The following RABGAP1L variants were observed in gnomAD, a reference collection of about 807,000 sequenced individuals.
The protein encoded by RABGAP1L is rab GTPase-activating protein 1-like.
In RABGAP1L, 63 loss-of-function variants were observed where a neutral mutation model predicts 137.7. The ratio of observed to expected loss-of-function variants is 0.46; its 90% CI spans 0.37 to 0.56. The LOEUF (loss-of-function observed/expected upper bound fraction) is 0.56. RABGAP1L is among the 20% of genes least tolerant of loss of function. RABGAP1L has a pLI of 0.00. For missense variants in RABGAP1L, 1,095 were observed against 1,244.0 expected, an observed-to-expected ratio of 0.88 and a Z score of 1.80; for synonymous variants, 431 against 433.7, an observed-to-expected ratio of 0.99 and a Z score of 0.08.
At chr1:174,909,263 A>T (rs1659662240) in intron 19 of RABGAP1L, among the ~76,000 whole-genome samples, 1 of 151,684 alleles carries the variant, frequency 6.6e-6, no homozygotes, top group South Asian at 2.1e-4. Context: ...TTACTCTGTC[A>T]CCCAGGCTTG....
intron 11 of RABGAP1L, among the ~76,000 whole-genome samples, chr1:174,341,895 T>A: frequency 6.6e-6 from 1 of 152,166 alleles, no homozygotes; most frequent in East Asian, 1.9e-4. Context: ...TTAATTTAAG[T>A]ATCTTTCTTG....
intron 12 of RABGAP1L, among the ~76,000 whole-genome samples, chr1:174,389,956 T>A (rs895740453): frequency 6.6e-6 from 1 of 152,176 alleles, no homozygotes; most frequent in African/African-American, 2.4e-5. Context: ...ATTTTCAAGT[T>A]CCTGATAACT....
intron 13 of RABGAP1L, among the ~76,000 whole-genome samples, chr1:174,437,380 T>C (rs1653512332): frequency 6.6e-6 from 1 of 152,146 alleles, no homozygotes; most frequent in Non-Finnish European, 1.5e-5. Flanking sequence ...TTAAAGGACC[T>C]GATGGAGCTG....
At chr1:174,891,948 G>A (rs1270140595) in intron 19 of RABGAP1L, among the ~76,000 whole-genome samples, 1 of 136,876 alleles carries the variant, frequency 7.3e-6, no homozygotes, top group Non-Finnish European at 1.5e-5. Context: ...CTACTCTGAG[G>A]TAATCTCCCT....
chr1:174,412,094 T>G (rs1650002318), intron 13 of RABGAP1L, among the ~76,000 whole-genome samples: 1 of 152,140 alleles, frequency 6.6e-6, no homozygotes, highest in Non-Finnish European at 1.5e-5. Flanking sequence ...AGTTCCCCAC[T>G]ATTACTGTGT....
chr1:174,252,469 G>A lies in RABGAP1L; in HGVS notation c.876-11G>A, dbSNP rs549959020. On this transcript the variant is annotated splice_polypyrimidine_tract_variant and intron_variant, in intron 6 of 25. Transcript: ENST00000681986. Reference sequence around the variant, plus strand: ...ATTATTGGTAATTCCTATTCCTTTTGAATATTTCAGCCCTGTGCCTAAGGA... The same window carrying A: ...ATTATTGGTAATTCCTATTCCTTTTAAATATTTCAGCCCTGTGCCTAAGGA... 1 of 1,605,474 alleles carries A rather than the reference G, an allele frequency of 6.2e-7. No homozygotes were observed. The highest frequency in any genetic ancestry group is 1.7e-5 in the Admixed American group (1 of 57,798).
intron 13 of RABGAP1L, among the ~76,000 whole-genome samples, chr1:174,410,722 G>A (rs937722117): frequency 6.6e-6 from 1 of 152,038 alleles, no homozygotes; most frequent in African/African-American, 2.4e-5. Context: ...GGCTATTTGG[G>A]CCATTTTTTG....
At chr1:174,595,866 G>C (rs1669849893) in intron 13 of RABGAP1L, among the ~76,000 whole-genome samples, 1 of 106,102 alleles carries the variant, frequency 9.4e-6, no homozygotes, top group Non-Finnish European at 1.8e-5. Flanking sequence ...GCCTCCTTGA[G>C]CTGTGGTGGG....
In RABGAP1L at chr1:174,159,585, C is replaced by T. The variant is rs1664236273; in HGVS notation, c.-106C>T. 6.6e-6 allele frequency: 1 copy of T among 152,418 alleles called. No individual in the cohort carries two copies. The highest frequency in any genetic ancestry group is 2.4e-5 in the African/African-American group (1 of 41,458). 9.4% of individuals were successfully genotyped at this position (152,418 alleles called of 1,614,324 possible). A position where few individuals can be genotyped will look rare whatever the true frequency, so the allele number is the denominator to read the frequency against. The stretch of plus-strand genomic sequence containing the variant: ...GAACGGGACCGGCCCGGCTTCAGAG[C>T]GCGAGGTGGAGGGTGGAACGCGGGC... On this transcript the variant is annotated 5_prime_UTR_variant, in exon 1 of 26. Transcript: ENST00000681986.
At chr1:174,859,208 G>A (rs1168368534) in intron 19 of RABGAP1L, among the ~76,000 whole-genome samples, 5 of 152,136 alleles carry the variant, frequency 3.3e-5, no homozygotes, top group East Asian at 1.9e-4. Context: ...GAGGCCGAGC[G>A]TGGTGGCTCA....
chr1:174,287,350 T>C (rs1293765125), intron 10 of RABGAP1L, among the ~76,000 whole-genome samples: 1 of 152,248 alleles, frequency 6.6e-6, no homozygotes, highest in African/African-American at 2.4e-5. Flanking sequence ...ATAGCCACTC[T>C]GTTCTCTTTT....
At chr1:174,214,545 A>G (rs1353197758) in intron 1 of RABGAP1L, among the ~76,000 whole-genome samples, 1 of 152,232 alleles carries the variant, frequency 6.6e-6, no homozygotes, top group Non-Finnish European at 1.5e-5. Context: ...CCTAAGCAAA[A>G]AGAACAAAGC....
intron 18 of RABGAP1L, among the ~76,000 whole-genome samples, chr1:174,809,559 A>G (rs1689660323): frequency 6.6e-6 from 1 of 152,226 alleles, no homozygotes; most frequent in South Asian, 2.1e-4. Flanking sequence ...CTGTCTGCAG[A>G]GAAGAGATCG....
intron 11 of RABGAP1L, among the ~76,000 whole-genome samples, chr1:174,306,589 A>G (rs551934993): frequency 2.3e-4 from 35 of 152,280 alleles, no homozygotes; most frequent in African/African-American, 8.4e-4. Flanking sequence ...AGAAGTTTCA[A>G]ATGATCTCCT....
chr1:174,734,671 AT>A (rs1682780788), intron 17 of RABGAP1L, among the ~76,000 whole-genome samples: 1 of 152,166 alleles, frequency 6.6e-6, no homozygotes, highest in East Asian at 1.9e-4. Flanking sequence ...TGAATGTTGG[AT>A]TGTAGAACTC....
At chr1:174,378,606 G>A (rs1021856516) in intron 12 of RABGAP1L, among the ~76,000 whole-genome samples, 7 of 151,990 alleles carry the variant, frequency 4.6e-5, no homozygotes, top group African/African-American at 1.5e-4. Flanking sequence ...GTCTGTTCAT[G>A]TCCTTCGCCC....
chr1:174,878,307 G>A (rs6690754), intron 19 of RABGAP1L, among the ~76,000 whole-genome samples: 53,447 of 152,010 alleles, frequency 0.35, 11,792 homozygotes, highest in African/African-American at 0.63. Flanking sequence ...GCTCACCGCA[G>A]CCGTTGCCTC....
At chr1:174,499,137 A>ATATATAAT (rs1661018995) in intron 13 of RABGAP1L, among the ~76,000 whole-genome samples, 3 of 152,084 alleles carry the variant, frequency 2.0e-5, no homozygotes, top group Non-Finnish European at 4.4e-5. Flanking sequence ...CAAAATTGCT[A>ATATATAAT]CCACATATAA....
At chr1:174,935,561 T>C (rs1573902251) in intron 19 of RABGAP1L, 1 of 152,354 alleles carries the variant, frequency 6.6e-6, no homozygotes, top group South Asian at 2.1e-4. Flanking sequence ...CATAGTAGAC[T>C]TTTTAATTTA....
Sources: allele counts gnomAD v4.1 joint callset (sites outside exome capture counted in the v4.1 genomes callset), GRCh38; gene constraint gnomAD v4.1.1; transcripts MANE v1.5; gene names NCBI Gene and HGNC (gene_info 2026-07-23, HGNC 2026-07-21).